Variants in FRS2 observed in about 807,000 individuals in gnomAD.
FRS2 encodes FGFR signalling adaptor.
In FRS2, 8 loss-of-function variants were observed where a neutral mutation model predicts 43.9. The observed-to-expected ratio is 0.18, with a 90% CI of 0.11 to 0.33. The LOEUF is 0.33. Ranked by LOEUF, FRS2 falls within the 10% of genes least tolerant of loss-of-function variation. FRS2 has a pLI of 1.00. For synonymous variants in FRS2, 219 were observed against 220.3 expected, an observed-to-expected ratio of 0.99 and a Z score of 0.05; for missense variants, 534 against 627.6, an observed-to-expected ratio of 0.85 and a Z score of 1.59.
intron 1 of FRS2, among the ~76,000 whole-genome samples, chr12:69,481,179 G>GT (rs1326900153): frequency 3.3e-5 from 5 of 151,844 alleles, no homozygotes; most frequent in African/African-American, 1.2e-4. Flanking sequence ...GTGAACCATT[G>GT]AAGAGTAGAT....
At position 69,504,524 on chromosome 12, in the gene FRS2, A is replaced by G. The variant is rs138203945; in HGVS notation, c.-260-26341A>G. On this transcript the variant is annotated intron_variant, in intron 1 of 8. Transcript: ENST00000549921. ...TTGGCGTCACAATAGATTTATTGGG[A>G]TGTAATCCCTTCACAAGTCAAGGAA... Among the ~76,000 whole-genome samples the G allele has an allele frequency of 3.4e-3, 513 of 152,286 alleles. 4 individuals are homozygous for G. The highest frequency in any genetic ancestry group is 0.012 in the African/African-American group (479 of 41,542).
intron 1 of FRS2, among the ~76,000 whole-genome samples, chr12:69,484,095 C>CTTTCTTTTTTTTT (rs1555183009): frequency 1.3e-5 from 2 of 149,264 alleles, no homozygotes; most frequent in Admixed American, 6.7e-5. Context: ...GCTTTTCTTT[C>CTTTCTTTTTTTTT]TTTTTTTTTG....
rs200152963 is a variant in FRS2, at chr12:69,570,419, G to A, written c.155G>A (p.Arg52His). Residue 52 changes from arginine (R) to histidine (H), a missense_variant, in exon 6 of 9, where the codon CGT (arginine) becomes CAT (histidine). Around this residue, in one of 3 missense-constraint regions of FRS2, gnomAD observed 76 missense variants for 90.5 expected, o/e 0.84. Transcript: ENST00000549921. Reference sequence around the variant, plus strand: ...GAACTGATTTTATACACCCGCAAACGTGACTCAGTAAAATGGCACTACCTC... The same window carrying A: ...GAACTGATTTTATACACCCGCAAACATGACTCAGTAAAATGGCACTACCTC... ...DTELILYTRK[R>H]DSVKWHYLCL... The A allele has an allele frequency of 1.5e-5, 24 of 1,612,438 alleles. No homozygotes were observed. Among genetic ancestry groups the A allele is most frequent in the Non-Finnish European group, 1.7e-5 (20 of 1,178,610 alleles).
rs939392285 is a variant in FRS2, at chr12:69,494,898, C to T, written c.-261+24368C>T. 9.9e-5 allele frequency among the ~76,000 whole-genome samples: 15 copies of T among 152,070 alleles called. No homozygotes were observed. The East Asian group carries it at 1.5e-3, about 16-fold the overall frequency. On this transcript the variant is annotated intron_variant, in intron 1 of 8. Transcript: ENST00000549921. ...AAGTGATTCCCCTGTCTCAACCTCC[C>T]GAGTAGCTGGGATTATAGACGCCCA...
At chr12:69,539,651 C>T (rs1181102530) in intron 3 of FRS2, among the ~76,000 whole-genome samples, 2 of 151,984 alleles carry the variant, frequency 1.3e-5, no homozygotes, top group African/African-American at 4.8e-5. Context: ...TAAAAAGGAC[C>T]AGGGTTCCTT....
chr12:69,536,563 AG>A (rs1424257442), intron 3 of FRS2, among the ~76,000 whole-genome samples: 2 of 137,670 alleles, frequency 1.5e-5, no homozygotes, highest in African/African-American at 5.8e-5. Flanking sequence ...CGATAGATTT[AG>A]TTTTTTTTTT....
chr12:69,551,839 T>C (rs960257801), intron 3 of FRS2, among the ~76,000 whole-genome samples: 1 of 152,310 alleles, frequency 6.6e-6, no homozygotes, highest in East Asian at 1.9e-4. Context: ...ATTTCTGTTA[T>C]TTGTAATGTG....
chr12:69,524,360 G>T (rs1875991934), intron 1 of FRS2, among the ~76,000 whole-genome samples: 1 of 152,082 alleles, frequency 6.6e-6, no homozygotes, highest in African/African-American at 2.4e-5. Context: ...GTTGCTGTGG[G>T]CTAGTGCTTG....
intron 3 of FRS2, among the ~76,000 whole-genome samples, chr12:69,549,486 G>A (rs141582735): frequency 6.6e-5 from 10 of 152,116 alleles, no homozygotes; most frequent in East Asian, 1.9e-4. Flanking sequence ...TTAATTTTGC[G>A]TATTTAATTC....
intron 4 of FRS2, among the ~76,000 whole-genome samples, chr12:69,568,555 GTC>G (rs752238344): frequency 0.011 from 1,677 of 147,258 alleles, 21 homozygotes; most frequent in African/African-American, 0.036. Flanking sequence ...GTCTCTGGCT[GTC>G]TCTCTCTCTC....
chr12:69,515,769 CT>C (rs60246184), intron 1 of FRS2, among the ~76,000 whole-genome samples: 6,455 of 138,034 alleles, frequency 0.047, 344 homozygotes, highest in African/African-American at 0.14. Context: ...TCATTGAGGT[CT>C]TTTTTTTTTT....
At position 69,574,981 on chromosome 12, in the gene FRS2, AC is replaced by A. The variant is rs778870168; in HGVS notation, c.*28del. The A allele has an allele frequency of 6.9e-7, 1 of 1,450,862 alleles. No homozygotes were observed. Among genetic ancestry groups the A allele is most frequent in the East Asian group, 2.3e-5 (1 of 43,736 alleles). 89.9% of individuals were successfully genotyped at this position (1,450,862 alleles called of 1,614,324 possible). A position where few individuals can be genotyped will look rare whatever the true frequency, so the allele number is the denominator to read the frequency against. On this transcript the variant is annotated 3_prime_UTR_variant, in exon 9 of 9. Transcript: ENST00000549921. ...GCCTGGAAAGCATTGTGTTGTTTGC[AC>A]CTTTGTGAAGTTTTTAAAAATGAAG...
In FRS2 at chr12:69,574,835, G is replaced by A. The variant is rs754559579; in HGVS notation, c.1407G>A (p.Glu469=). Residue 469 remains glutamate (E), a synonymous_variant, in exon 9 of 9, where the codon GAG becomes GAA. Coordinates refer to ENST00000549921, the MANE Select transcript of FRS2 (RefSeq NM_001278356.2). ...CACAAACCCCTACCAGGCGCACAGA[G>A]CTGTATGCCGTGATAGACATCGAGA... is the stretch of plus-strand genomic sequence containing the variant. The part of the protein sequence containing the change: ...PLPQTPTRRT[E]LYAVIDIERT... 1 of 1,614,006 alleles carries A rather than the reference G, an allele frequency of 6.2e-7. No homozygotes were observed. Among genetic ancestry groups the A allele is most frequent in the Non-Finnish European group, 8.5e-7 (1 of 1,179,924 alleles).
At chr12:69,512,796 G>A (rs1188066768) in intron 1 of FRS2, among the ~76,000 whole-genome samples, 1 of 151,998 alleles carries the variant, frequency 6.6e-6, no homozygotes, top group Non-Finnish European at 1.5e-5. Flanking sequence ...TGTACTGATG[G>A]GTCTAGAGTA....
intron 1 of FRS2, among the ~76,000 whole-genome samples, chr12:69,475,492 C>T (rs1017929189): frequency 2.6e-5 from 4 of 152,128 alleles, no homozygotes; most frequent in East Asian, 1.9e-4. Context: ...CCCTCACTCC[C>T]TCCAGCTGTC....
chr12:69,487,111 G>T (rs1044331712), intron 1 of FRS2, among the ~76,000 whole-genome samples: 1 of 152,160 alleles, frequency 6.6e-6, no homozygotes, highest in Non-Finnish European at 1.5e-5. Flanking sequence ...TCCTGGCCTC[G>T]CCTCCTTATG....
chr12:69,552,302 CAAAAAAA>C (rs35353764), intron 3 of FRS2, among the ~76,000 whole-genome samples: 8 of 51,380 alleles, frequency 1.6e-4, no homozygotes, highest in South Asian at 1.1e-3. Context: ...AACTCCGTCT[CAAAAAAA>C]AAAAAAAAAA....
intron 1 of FRS2, among the ~76,000 whole-genome samples, chr12:69,484,314 G>C (rs1049753314): frequency 2.0e-5 from 3 of 152,100 alleles, no homozygotes; most frequent in African/African-American, 7.2e-5. Flanking sequence ...TCGATCTCCT[G>C]ACCTTGTGAT....
At chr12:69,552,670 A>T (rs1384172348) in intron 3 of FRS2, among the ~76,000 whole-genome samples, 1 of 152,152 alleles carries the variant, frequency 6.6e-6, no homozygotes, top group African/African-American at 2.4e-5. Context: ...TGAGGTGGGC[A>T]GATCTGAGGT....
Sources: gnomAD v4.1 joint callset for allele counts (sites outside exome capture counted in the v4.1 genomes callset) on GRCh38, gnomAD v4.1.1 for gene constraint, gnomAD v4.1.1 regional missense constraint, MANE v1.5 for transcripts, NCBI Gene and HGNC (gene_info 2026-07-23, HGNC 2026-07-21) for gene names.